TTLL5: variants seen among roughly 807,000 people sequenced by gnomAD.
The protein encoded by TTLL5 is tubulin tyrosine ligase like 5.
Under a neutral mutation model 168.4 loss-of-function variants are expected in TTLL5, and 132 were observed. That is an observed-to-expected ratio of 0.78 (90% CI 0.68 to 0.91). TTLL5 has a LOEUF of 0.91. TTLL5 is among the 40% of genes least tolerant of loss of function. The pLI is 0.00. For missense variants in TTLL5, 1,545 were observed against 1,581.5 expected (o/e 0.98, Z 0.39); for synonymous variants, 546 against 558.6 (o/e 0.98, Z 0.32).
intron 2 of TTLL5, among the ~76,000 whole-genome samples, chr14:75,663,977 G>A (rs1377734983): frequency 2.6e-5 from 4 of 151,866 alleles, no homozygotes; most frequent in African/African-American, 4.8e-5. Context: ...TCAGCTACTC[G>A]GGAGGCTGAG....
At chr14:75,739,010 T>C (rs1470683400) in intron 15 of TTLL5, among the ~76,000 whole-genome samples, 2 of 152,150 alleles carry the variant, frequency 1.3e-5, no homozygotes, top group African/African-American at 4.8e-5. Context: ...TTTTGACCTG[T>C]TACCCAGGTT....
chr14:75,924,301 T>C (rs2033930891), intron 31 of TTLL5, among the ~76,000 whole-genome samples: 1 of 151,802 alleles, frequency 6.6e-6, no homozygotes, highest in Non-Finnish European at 1.5e-5. Flanking sequence ...TTTTTTTTTT[T>C]TATTGATCAT....
In TTLL5 at chr14:75,663,202, A is replaced by T. The variant is rs776534405; in HGVS notation, c.53A>T (p.Asp18Val). The part of the protein sequence containing the change: ...DLEETASSSE[D>V]EEVISQEDHP... ...GAGGAAACAGCATCATCCTCAGAGG[A>T]TGAGGAGGTCATAAGTCAAGAGTAA... The change falls in exon 2 of 32, where the codon GAT (aspartate) becomes GTT (valine). Residue 18 changes from aspartate (D) to valine (V), a missense_variant. Transcript: ENST00000298832. 1 of 1,613,310 alleles carries T rather than the reference A, an allele frequency of 6.2e-7. No homozygotes were observed. Among genetic ancestry groups the T allele is most frequent in the South Asian group, 1.1e-5 (1 of 90,676 alleles).
chr14:75,818,421 A>G, intron 27 of TTLL5: 1 of 367,266 alleles, frequency 2.7e-6, no homozygotes, highest in Non-Finnish European at 5.2e-6. Flanking sequence ...TCATATTGTG[A>G]TTTTTGCTAC....
chr14:75,755,132 C>T lies in TTLL5; in HGVS notation c.1550+2177C>T, dbSNP rs192647211. The stretch of plus-strand genomic sequence containing the variant: ...ATACAAAATTAGCCAGGCTTGGTGG[C>T]GCATGCCTATAATCCCAGCTACTTG... On this transcript the variant is annotated intron_variant, in intron 18 of 31. Coordinates refer to ENST00000298832, the MANE Select transcript of TTLL5 (RefSeq NM_015072.5). Among the ~76,000 whole-genome samples, 893 of 152,036 alleles carry T rather than the reference C, an allele frequency of 5.9e-3. 5 individuals are homozygous for T. The highest frequency in any genetic ancestry group is 0.01 in the Admixed American group (155 of 15,270).
At chr14:75,947,322 C>T (rs1230909337) in intron 31 of TTLL5, among the ~76,000 whole-genome samples, 1 of 152,062 alleles carries the variant, frequency 6.6e-6, no homozygotes, top group Non-Finnish European at 1.5e-5. Flanking sequence ...TGGGGAAATA[C>T]CAACCAAACG....
chr14:75,875,909 A>G (rs932432553), intron 29 of TTLL5, among the ~76,000 whole-genome samples: 2 of 152,278 alleles, frequency 1.3e-5, no homozygotes, highest in Admixed American at 1.3e-4. Context: ...ATCATTTTGA[A>G]TGAACATTTA....
chr14:75,786,725 A>C (rs1158330896), intron 26 of TTLL5, among the ~76,000 whole-genome samples: 1 of 152,240 alleles, frequency 6.6e-6, no homozygotes, highest in Non-Finnish European at 1.5e-5. Flanking sequence ...TAAAAGAATA[A>C]AAGTATAAAT....
chr14:75,692,369 TTTTG>T (rs1351585930), intron 6 of TTLL5, among the ~76,000 whole-genome samples: 9 of 152,196 alleles, frequency 5.9e-5, no homozygotes, highest in Non-Finnish European at 1.0e-4. Context: ...TTTTTGTATG[TTTTG>T]TTTAACTACT....
intron 26 of TTLL5, 108 bp downstream of exon 26, chr14:75,783,638 A>T: frequency 7.1e-7 from 1 of 1,417,400 alleles, no homozygotes; most frequent in East Asian, 2.3e-5. Flanking sequence ...TGAAATGGAA[A>T]TGGACACACA....
chr14:75,823,472 A>G (rs1156951825), intron 28 of TTLL5, among the ~76,000 whole-genome samples: 3 of 152,156 alleles, frequency 2.0e-5, no homozygotes, highest in African/African-American at 7.2e-5. Context: ...TGGGAAGAAC[A>G]GGGCCTCAGA....
chr14:75,757,009 G>A (rs995812055), intron 18 of TTLL5, among the ~76,000 whole-genome samples: 2 of 150,738 alleles, frequency 1.3e-5, no homozygotes, highest in Admixed American at 6.6e-5. Context: ...GAGGAGTCTC[G>A]CTCTGTTGCC....
At chr14:75,772,717 GAGTGC>G (rs1891418202) in intron 21 of TTLL5, among the ~76,000 whole-genome samples, 2 of 151,172 alleles carry the variant, frequency 1.3e-5, no homozygotes, top group Non-Finnish European at 2.9e-5. Flanking sequence ...GCCCAGGCTG[GAGTGC>G]AGTGGTGCGA....
chr14:75,714,317 C>A (rs941146478), intron 9 of TTLL5, among the ~76,000 whole-genome samples: 5 of 152,108 alleles, frequency 3.3e-5, no homozygotes, highest in Non-Finnish European at 7.4e-5. Flanking sequence ...TTTGGTCTTA[C>A]CCTTTGTAAT....
chr14:75,899,306 C>A (rs1462321516), intron 30 of TTLL5, among the ~76,000 whole-genome samples: 1 of 152,162 alleles, frequency 6.6e-6, no homozygotes, highest in East Asian at 1.9e-4. Flanking sequence ...CCTAGGAAAG[C>A]AGCAAAGAAT....
At chr14:75,839,277 C>T (rs1057286298) in intron 28 of TTLL5, among the ~76,000 whole-genome samples, 4 of 152,112 alleles carry the variant, frequency 2.6e-5, no homozygotes, top group African/African-American at 4.8e-5. Flanking sequence ...TTTAAGTTTT[C>T]GAGGAACCAT....
chr14:75,855,146 A>G (rs1897064367), intron 28 of TTLL5, among the ~76,000 whole-genome samples: 2 of 32,344 alleles, frequency 6.2e-5, no homozygotes. Flanking sequence ...GAGGTATGCT[A>G]GAAGAAAAAA....
At chr14:75,912,071 C>T (rs1049859836) in intron 31 of TTLL5, among the ~76,000 whole-genome samples, 6 of 152,012 alleles carry the variant, frequency 3.9e-5, no homozygotes, top group Admixed American at 2.0e-4. Flanking sequence ...TAGCCCATCC[C>T]GTGGCCAGGT....
intron 3 of TTLL5, among the ~76,000 whole-genome samples, chr14:75,672,583 A>G (rs569581170): frequency 2.7e-4 from 41 of 152,128 alleles, no homozygotes; most frequent in Non-Finnish European, 4.9e-4. Context: ...GTCTGTATTT[A>G]TAAGGGATAT....
Sources: allele counts gnomAD v4.1 joint callset (sites outside exome capture counted in the v4.1 genomes callset), GRCh38; gene constraint gnomAD v4.1.1; transcripts MANE v1.5; gene names NCBI Gene and HGNC (gene_info 2026-07-23, HGNC 2026-07-21).